NINJ2: variants seen among roughly 807,000 people sequenced by gnomAD.
NINJ2 encodes ninjurin 2.
In NINJ2, 12 loss-of-function variants were observed where a neutral mutation model predicts 11.7. The ratio of observed to expected loss-of-function variants is 1.02; its 90% CI spans 0.66 to 1.66. The LOEUF (loss-of-function observed/expected upper bound fraction) is 1.66. Among genes scored for constraint, NINJ2 ranks in the 40% most tolerant of loss-of-function variants. NINJ2 has a pLI of 0.00. For synonymous variants in NINJ2, 93 were observed against 76.8 expected (o/e 1.21, Z -1.10); for missense variants, 187 against 181.8 (o/e 1.03, Z -0.16).
chr12:622,783 T>C (rs1948169189), intron 1 of NINJ2, among the ~76,000 whole-genome samples: 1 of 151,044 alleles, frequency 6.6e-6, no homozygotes, highest in Admixed American at 6.6e-5. Flanking sequence ...TAGCTTTTCT[T>C]TTTTTTTTAA....
chr12:622,236 C>T (rs12369036), intron 1 of NINJ2, among the ~76,000 whole-genome samples: 10,346 of 151,136 alleles, frequency 0.068, 477 homozygotes, highest in Middle Eastern at 0.12. Context: ...GGTGAAACCC[C>T]GTCTCTACTA....
At chr12:612,108 G>A (rs940278801) in intron 1 of NINJ2, among the ~76,000 whole-genome samples, 1 of 152,166 alleles carries the variant, frequency 6.6e-6, no homozygotes, top group Non-Finnish European at 1.5e-5. Flanking sequence ...TCAATCATGT[G>A]TATAAGGTAC....
Position 614,534 on chromosome 12 carries a change from G to T in NINJ2, c.34-48356C>A, listed in dbSNP as rs114458508. 8.4e-4 allele frequency among the ~76,000 whole-genome samples: 128 copies of T among 152,264 alleles called. 1 individual carries two copies. Among genetic ancestry groups the T allele is most frequent in the African/African-American group, 3.0e-3 (125 of 41,558 alleles). On this transcript the variant is annotated intron_variant, in intron 1 of 3. Transcript: ENST00000305108. This position sits in a 1 kb window ranked among gnomAD's most constrained non-coding sequence, Gnocchi z 5.1. The stretch of plus-strand genomic sequence containing the variant: ...GGCACTCTTCCCTCACAGTCCTGCC[G>T]GGCCTGGCTCCCTCCCTCTGTCTTC...
chr12:565,155 AGAG>A, intron 3 of NINJ2, 59 bp downstream of exon 3: 2 of 1,383,276 alleles, frequency 1.4e-6, no homozygotes, highest in Non-Finnish European at 2.0e-6. Context: ...CCAAAGCCCC[AGAG>A]GAGAGAGAAG....
chr12:615,777 G>C (rs1456514250), intron 1 of NINJ2, among the ~76,000 whole-genome samples: 1 of 152,230 alleles, frequency 6.6e-6, no homozygotes, highest in Non-Finnish European at 1.5e-5. Flanking sequence ...CTGTCATCCT[G>C]TGGGCTGCAT....
chr12:663,341 T>C lies in NINJ2; in HGVS notation c.20A>G (p.Asn7Ser). 6.2e-7 allele frequency: 1 copy of C among 1,614,158 alleles called. No individual in the cohort carries two copies. The highest frequency in any genetic ancestry group is 8.5e-7 in the Non-Finnish European group (1 of 1,180,014). Residue 7 changes from asparagine to serine, a missense_variant, in exon 1 of 4, where the codon AAC becomes AGC. Asn to Ser is a conservative substitution (Grantham distance 46). Transcript: ENST00000305108. Reference protein sequence around the residue: MESARENIDLQPGSSDP... With the variant: MESARESIDLQPGSSDP... The stretch of plus-strand genomic sequence containing the variant: ...GAGAGAACTTACTTGAAGGTCGATG[T>C]TTTCTCTTGCTGATTCCATCTCGCT...
chr12:567,697 A>T (rs977871841), intron 1 of NINJ2, among the ~76,000 whole-genome samples: 4 of 152,230 alleles, frequency 2.6e-5, no homozygotes, highest in Non-Finnish European at 5.9e-5. Flanking sequence ...TTTGGATTCT[A>T]TGAGCCCTTA....
At chr12:650,756 G>T (rs2120525677) in intron 1 of NINJ2, among the ~76,000 whole-genome samples, 1 of 152,264 alleles carries the variant, frequency 6.6e-6, no homozygotes, top group Middle Eastern at 3.4e-3. Flanking sequence ...ACTTCCATTT[G>T]AAAATACTTC....
At chr12:647,104 C>T (rs1384723643) in intron 1 of NINJ2, among the ~76,000 whole-genome samples, 1 of 152,140 alleles carries the variant, frequency 6.6e-6, no homozygotes, top group East Asian at 1.9e-4. Flanking sequence ...TTCAGGGGTG[C>T]CAGGCCCCTC....
intron 1 of NINJ2, chr12:644,272 A>G (rs1213768609): frequency 6.6e-6 from 1 of 152,468 alleles, no homozygotes; most frequent in African/African-American, 2.4e-5. Flanking sequence ...GATCTTGGTA[A>G]AATGCAGTTT....
At chr12:600,715 C>T (rs952016070) in intron 1 of NINJ2, among the ~76,000 whole-genome samples, 4 of 150,838 alleles carry the variant, frequency 2.7e-5, no homozygotes, top group African/African-American at 7.3e-5. Context: ...GACAGTCTCC[C>T]TCTGCTGCCC....
chr12:601,991 C>G (rs1215044660), intron 1 of NINJ2, among the ~76,000 whole-genome samples: 2 of 152,214 alleles, frequency 1.3e-5, no homozygotes, highest in Non-Finnish European at 2.9e-5. Flanking sequence ...CTGACATCCC[C>G]AGATGAAGCC....
At chr12:655,217 A>G (rs1180974761) in intron 1 of NINJ2, among the ~76,000 whole-genome samples, 1 of 152,216 alleles carries the variant, frequency 6.6e-6, no homozygotes, top group Admixed American at 6.5e-5. Context: ...CAGTATGAAC[A>G]AGTCTTAGCA....
chr12:610,008 T>C (rs1198775542), intron 1 of NINJ2, among the ~76,000 whole-genome samples: 1 of 83,796 alleles, frequency 1.2e-5, no homozygotes, highest in African/African-American at 6.4e-5. Flanking sequence ...GTCACACATT[T>C]TTGTTGTAGC....
At chr12:641,962 G>C (rs1272916248) in intron 1 of NINJ2, among the ~76,000 whole-genome samples, 1 of 152,192 alleles carries the variant, frequency 6.6e-6, no homozygotes, top group South Asian at 2.1e-4. Context: ...TGCCGCTTTA[G>C]GGTAGAATCT....
At chr12:613,367 G>C (rs902649072) in intron 1 of NINJ2, among the ~76,000 whole-genome samples, 1 of 152,196 alleles carries the variant, frequency 6.6e-6, no homozygotes, top group Admixed American at 6.5e-5. Context: ...CAGCACTTTT[G>C]TAGGCTGAGG....
chr12:623,963 G>C (rs568460527), intron 1 of NINJ2, among the ~76,000 whole-genome samples: 61 of 152,324 alleles, frequency 4.0e-4, no homozygotes, highest in African/African-American at 1.4e-3. Flanking sequence ...TTGAGCTCAG[G>C]AGGTCAAGGC....
intron 1 of NINJ2, among the ~76,000 whole-genome samples, chr12:653,693 CAA>C (rs879090673): frequency 7.0e-6 from 1 of 142,838 alleles, no homozygotes; most frequent in East Asian, 2.0e-4. Flanking sequence ...CCACCAAAGG[CAA>C]AAAAAAAAGT....
At chr12:620,444 C>T (rs1948138819) in intron 1 of NINJ2, among the ~76,000 whole-genome samples, 1 of 152,262 alleles carries the variant, frequency 6.6e-6, no homozygotes, top group Admixed American at 6.5e-5. Flanking sequence ...ATGCGTCTCA[C>T]ACATAAAGCC....
Sources: gnomAD v4.1 joint callset for allele counts (sites outside exome capture counted in the v4.1 genomes callset) on GRCh38, gnomAD v4.1.1 for gene constraint, Gnocchi (gnomAD v3.1) non-coding constraint, MANE v1.5 for transcripts, NCBI Gene and HGNC (gene_info 2026-07-23, HGNC 2026-07-21) for gene names.